HNRNPU: variants seen among roughly 807,000 people sequenced by gnomAD.
HNRNPU encodes the protein heterogeneous nuclear ribonucleoprotein U, also known as HNRNPU antisense RNA 1.
A neutral mutation model predicts 94.7 loss-of-function variants in HNRNPU; 5 were observed. The ratio of observed to expected loss-of-function variants is 0.05; its 90% CI spans 0.03 to 0.11. HNRNPU has a LOEUF of 0.11. Among genes scored for constraint, HNRNPU ranks in the 10% least tolerant of loss-of-function variants. HNRNPU has a pLI of 1.00. For synonymous variants in HNRNPU, 434 were observed against 381.6 expected, an observed-to-expected ratio of 1.14 and a Z score of -1.60; for missense variants, 710 against 1,049.2, an observed-to-expected ratio of 0.68 and a Z score of 4.47.
intron 5 of HNRNPU, 197 bp downstream of exon 5, chr1:244,859,078 T>C (rs1680756621): frequency 1.7e-6 from 1 of 580,638 alleles, no homozygotes; most frequent in Non-Finnish European, 3.0e-6. Flanking sequence ...ATTTCAACCA[T>C]TGGTCATAAA....
At position 244,853,105 on chromosome 1, in the gene HNRNPU, A is replaced by G. The variant is rs1680589742; in HGVS notation, c.*1345T>C. ...ATAATCAGTTGAGGACAGCATTAGCATTCTGTAAAGATGATAAACTCAGTG... is the reference window on the plus strand; with the variant it reads ...ATAATCAGTTGAGGACAGCATTAGCGTTCTGTAAAGATGATAAACTCAGTG... On this transcript the variant is annotated 3_prime_UTR_variant, in exon 14 of 14. Coordinates refer to ENST00000640218, the MANE Select transcript of HNRNPU (RefSeq NM_031844.3). The G allele has an allele frequency of 6.5e-6, 1 of 152,692 alleles. No homozygotes were observed. Among genetic ancestry groups the G allele is most frequent in the East Asian group, 1.9e-4 (1 of 5,188 alleles). 9.5% of individuals were successfully genotyped at this position (152,692 alleles called of 1,614,324 possible).
At chr1:244,858,515 T>C (rs1680740195) in intron 6 of HNRNPU, 4 of 606,646 alleles carry the variant, frequency 6.6e-6, no homozygotes, top group African/African-American at 3.7e-5. Context: ...GTCAATTTCA[T>C]GTTCACTGTT....
chr1:244,856,217 T>C (rs1680678465), intron 10 of HNRNPU, 59 bp from the exon 11 acceptor site: 5 of 1,500,784 alleles, frequency 3.3e-6, no homozygotes, highest in Admixed American at 2.1e-5. Flanking sequence ...CTCACAATCC[T>C]AAAGCTGACA....
chr1:244,853,190 G>C lies in HNRNPU; in HGVS notation c.*1260C>G, dbSNP rs981099322. 6.6e-6 allele frequency: 1 copy of C among 152,514 alleles called. No individual in the cohort carries two copies. The highest frequency in any genetic ancestry group is 1.5e-5 in the Non-Finnish European group (1 of 67,972). The allele number at this position is 152,514 out of a possible 1,614,324, so 9.4% of individuals were successfully genotyped here. A position where few individuals can be genotyped will look rare whatever the true frequency, so the allele number is the denominator to read the frequency against. On this transcript the variant is annotated 3_prime_UTR_variant, in exon 14 of 14. Transcript: ENST00000640218. The stretch of plus-strand genomic sequence containing the variant: ...TAAATATGTTAAAAGTTGTCTGGGG[G>C]GGAGGGGAAGGGAAGAATTCAACTT...
chr1:244,858,265 T>C lies in HNRNPU; in HGVS notation c.1240A>G (p.Ser414Gly), dbSNP rs375691155. Residue 414 changes from serine to glycine, a missense_variant, in exon 7 of 14, where the codon AGT becomes GGT. Coordinates refer to ENST00000640218, the MANE Select transcript of HNRNPU (RefSeq NM_031844.3). ...DVITCFANFE[S>G]DEVELSYAKN... Reference sequence around the variant, plus strand: ...GCATACGAGAGTTCTACTTCATCACTTTCAAAGTTCTGTTACACAGAAAAA... The same window carrying C: ...GCATACGAGAGTTCTACTTCATCACCTTCAAAGTTCTGTTACACAGAAAAA... 7 of 1,613,074 alleles carry C rather than the reference T, an allele frequency of 4.3e-6. No homozygotes were observed. In the South Asian group the frequency reaches 7.7e-5, roughly 18 times the overall value.
At chr1:244,863,471 G>A in intron 1 of HNRNPU, 146 bp downstream of exon 1, 1 of 1,052,740 alleles carries the variant, frequency 9.5e-7, no homozygotes, top group Non-Finnish European at 1.2e-6. Context: ...GGCTAATCTG[G>A]GATTCCCCGC....
At chr1:244,863,583 T>G in intron 1 of HNRNPU, 34 bp downstream of exon 1, 2 of 1,383,700 alleles carry the variant, frequency 1.4e-6, no homozygotes, top group East Asian at 3.0e-5. Context: ...CGCGCGGGCC[T>G]CCCGCCGCGC....
Position 244,854,987 on chromosome 1 carries a change from G to T in HNRNPU, c.2410C>A (p.Gln804Lys). Reference sequence around the variant, plus strand: ...AAATTACTTACACCCTGCTGCCACTGGTTGTAGCCCTGAGATTGATTTTTG... The same window carrying T: ...AAATTACTTACACCCTGCTGCCACTTGTTGTAGCCCTGAGATTGATTTTTG... ...GYKNQSQGYN[Q>K]WQQGQFWGQK... Residue 804 changes from glutamine to lysine, a missense_variant, in exon 13 of 14, where the codon CAG becomes AAG. Around this residue, in one of 8 missense-constraint regions of HNRNPU, gnomAD observed 152 missense variants for 238.9 expected, o/e 0.64. Transcript: ENST00000640218. 1 of 1,612,962 alleles carries T rather than the reference G, an allele frequency of 6.2e-7. No homozygotes were observed. The highest frequency in any genetic ancestry group is 8.5e-7 in the Non-Finnish European group (1 of 1,178,978).
intron 1 of HNRNPU, among the ~76,000 whole-genome samples, chr1:244,863,395 GACACACACACACACACAC>G (rs1177980110): frequency 1.4e-5 from 2 of 138,722 alleles, no homozygotes; most frequent in South Asian, 2.3e-4. Flanking sequence ...TGCCACCGCC[GACACACACACACACACAC>G]ACACACACGC....
chr1:244,853,701 T>G lies in HNRNPU; in HGVS notation c.*749A>C, dbSNP rs1192335078. 1 of 152,612 alleles carries G rather than the reference T, an allele frequency of 6.6e-6. No homozygotes were observed. The highest frequency in any genetic ancestry group is 1.5e-5 in the Non-Finnish European group (1 of 68,012). 9.5% of individuals were successfully genotyped at this position (152,612 alleles called of 1,614,324 possible). A position where few individuals can be genotyped will look rare whatever the true frequency, so the allele number is the denominator to read the frequency against. ...AATAAGAAATGGGCAAAGCCAGCTTTCTTTTCAGAATCAAAATGCAGAACA... is the reference window on the plus strand; with the variant it reads ...AATAAGAAATGGGCAAAGCCAGCTTGCTTTTCAGAATCAAAATGCAGAACA... On this transcript the variant is annotated 3_prime_UTR_variant, in exon 14 of 14. Coordinates refer to ENST00000640218, the MANE Select transcript of HNRNPU (RefSeq NM_031844.3).
chr1:244,855,853 A>G (rs776039384), intron 11 of HNRNPU, 51 bp downstream of exon 11: 2 of 1,587,740 alleles, frequency 1.3e-6, no homozygotes, highest in Admixed American at 3.6e-5. Context: ...CTATAAAATT[A>G]TCACTTGTTT....
chr1:244,857,494 A>G (rs1340109833), intron 8 of HNRNPU, 104 bp downstream of exon 8: 42 of 1,185,818 alleles, frequency 3.5e-5, no homozygotes, highest in Non-Finnish European at 4.8e-5. Flanking sequence ...TGATCCATCC[A>G]CCTCAGCCTC....
Position 244,864,281 on chromosome 1 carries a change from T to C in HNRNPU, c.27A>G (p.Lys9=), listed in dbSNP as rs1347520449. The C allele has an allele frequency of 6.2e-7, 1 of 1,613,214 alleles. No individual in the cohort carries two copies. The highest frequency in any genetic ancestry group is 1.1e-5 in the South Asian group (1 of 91,078). The change falls in exon 1 of 14, where the codon AAA becomes AAG. Residue 9 remains lysine (K), a synonymous_variant. Coordinates refer to ENST00000640218, the MANE Select transcript of HNRNPU (RefSeq NM_031844.3). MSSSPVNV[K]KLKVSELKEE... Reference sequence around the variant, plus strand: ...CTTTCAGCTCCGACACCTTCAGCTTTTTTACATTAACAGGCGAGGAACTCA... The same window carrying C: ...CTTTCAGCTCCGACACCTTCAGCTTCTTTACATTAACAGGCGAGGAACTCA...
intron 5 of HNRNPU, 75 bp downstream of exon 5, chr1:244,859,200 C>A (rs1363988768): frequency 1.3e-6 from 1 of 761,594 alleles, no homozygotes; most frequent in Non-Finnish European, 2.3e-6. Context: ...CTTAGAATGC[C>A]CTCTAGTTAA....
At chr1:244,862,783 G>A (rs1329417322) in intron 1 of HNRNPU, 53 bp from the exon 2 acceptor site, 3 of 1,371,422 alleles carry the variant, frequency 2.2e-6, no homozygotes, top group Non-Finnish European at 3.1e-6. Flanking sequence ...ACAAAAAAAC[G>A]CTTTTCCGTT....
At chr1:244,862,824 G>T in intron 1 of HNRNPU, 94 bp from the exon 2 acceptor site, 2 of 833,092 alleles carry the variant, frequency 2.4e-6, no homozygotes, top group Non-Finnish European at 4.1e-6. Context: ...ACTTTATCCT[G>T]CTTTTTAACT....
chr1:244,862,168 AC>A (rs920322731), intron 3 of HNRNPU: 2 of 320,844 alleles, frequency 6.2e-6, no homozygotes, highest in Non-Finnish European at 1.1e-5. Flanking sequence ...AGGTAGTGTT[AC>A]AAGTTTCCGT....
chr1:244,856,592 T>C lies in HNRNPU; in HGVS notation c.1777A>G (p.Met593Val). ...CGCTGGAAGCCTGCAAACAGGCACA[T>C]TTTTCTCCTCTGGGCAGCAGCAGAC... ...NVSAAAQRRK[M>V]CLFAGFQRKA... The change falls in exon 10 of 14, where the codon ATG (methionine) becomes GTG (valine). Residue 593 changes from methionine to valine, a missense_variant. Physicochemically the swap from Met to Val is conservative, Grantham distance 21. This residue lies in a region of HNRNPU where 31 missense variants were observed against 132.4 expected (regional missense o/e 0.23). Transcript: ENST00000640218. 6.2e-7 allele frequency: 1 copy of C among 1,614,030 alleles called. No individual in the cohort carries two copies. Among genetic ancestry groups the C allele is most frequent in the Non-Finnish European group, 8.5e-7 (1 of 1,179,970 alleles).
rs372614557 is a variant in HNRNPU, at chr1:244,855,426, G to C, written c.2350C>G (p.Gln784Glu). The C allele has an allele frequency of 4.3e-6, 7 of 1,612,464 alleles. No individual in the cohort carries two copies. The highest frequency in any genetic ancestry group is 2.7e-5 in the African/African-American group (2 of 74,884). The part of the protein sequence containing the change: ...GGMPNRGNYN[Q>E]NFRGRGNNRG... ...TTCCAGGGATCTTGAATCATTACCT[G>C]GTTGTAGTTCCCTCTGTTGGGCATT... Residue 784 changes from glutamine to glutamate, a missense_variant and splice_region_variant, in exon 12 of 14, where the codon CAG (glutamine) becomes GAG (glutamate). Gln to Glu is a conservative substitution (Grantham distance 29). Around this residue, in one of 8 missense-constraint regions of HNRNPU, gnomAD observed 152 missense variants for 238.9 expected, o/e 0.64. Coordinates refer to ENST00000640218, the MANE Select transcript of HNRNPU (RefSeq NM_031844.3).
Sources: allele counts gnomAD v4.1 joint callset (sites outside exome capture counted in the v4.1 genomes callset), GRCh38; gene constraint gnomAD v4.1.1; regional missense constraint gnomAD v4.1.1; transcripts MANE v1.5; gene names NCBI Gene and HGNC (gene_info 2026-07-23, HGNC 2026-07-21).